Variants in SETD2 observed in about 807,000 individuals in gnomAD.
SETD2 encodes histone-lysine N-methyltransferase SETD2.
Under a neutral mutation model 242.1 loss-of-function variants are expected in SETD2, and 31 were observed. The observed-to-expected ratio is 0.13, with a 90% CI of 0.10 to 0.17. The LOEUF is 0.17. Among genes scored for constraint, SETD2 ranks in the 10% least tolerant of loss-of-function variants. The pLI, the probability that SETD2 is intolerant of heterozygous loss-of-function variation, is 1.00. For missense variants in SETD2, 2,481 were observed against 3,046.3 expected, an observed-to-expected ratio of 0.81 and a Z score of 4.37; for synonymous variants, 1,006 against 1,066.5, an observed-to-expected ratio of 0.94 and a Z score of 1.11.
chr3:47,084,142 T>C lies in SETD2; in HGVS notation c.5638A>G (p.Arg1880Gly). Reference sequence around the variant, plus strand: ...CTATTTTCACTTATAATTTTCAGTCTGCGAAACATTAGTTTCTTGGGAGTG... The same window carrying C: ...CTATTTTCACTTATAATTTTCAGTCCGCGAAACATTAGTTTCTTGGGAGTG... ...TDTPKKLMFR[R>G]LKIISENSMD... Residue 1880 changes from arginine to glycine, a missense_variant, in exon 12 of 21, where the codon AGA (arginine) becomes GGA (glycine). By Grantham distance (125) the Arg-to-Gly change is moderately radical. Transcript: ENST00000409792. 1 of 1,614,168 alleles carries C rather than the reference T, an allele frequency of 6.2e-7. No homozygotes were observed. Among genetic ancestry groups the C allele is most frequent in the South Asian group, 1.1e-5 (1 of 91,084 alleles).
chr3:47,099,950 C>CT (rs796284454), intron 8 of SETD2, among the ~76,000 whole-genome samples: 1,868 of 140,678 alleles, frequency 0.013, 41 homozygotes, highest in African/African-American at 0.041. Context: ...ACTAATATAC[C>CT]TTTTTTTTTT....
At chr3:47,118,864 A>C (rs978718645) in intron 3 of SETD2, among the ~76,000 whole-genome samples, 26 of 152,182 alleles carry the variant, frequency 1.7e-4, no homozygotes, top group African/African-American at 5.3e-4. Flanking sequence ...AAGTTCCATT[A>C]GTCTACTCAC....
rs2038050353 is a variant in SETD2 at position 47,017,848 on chromosome 3, C to T, written c.7432-109G>A. The T allele has an allele frequency of 1.3e-6, 1 of 764,852 alleles. No homozygotes were observed. The highest frequency in any genetic ancestry group is 2.3e-6 in the Non-Finnish European group (1 of 430,006). 47.4% of individuals were successfully genotyped at this position (764,852 alleles called of 1,614,324 possible). On this transcript the variant is annotated intron_variant, in intron 19 of 20. Transcript: ENST00000409792. The surrounding 1 kb of genome is among the most constrained non-coding windows in gnomAD (Gnocchi z 4.8). Reference sequence around the variant, plus strand: ...GTGAGTAAAGCCAGCCAATCCTTCTCCTTTTCCTCCCTCAGGTTAACTGGT... The same window carrying T: ...GTGAGTAAAGCCAGCCAATCCTTCTTCTTTTCCTCCCTCAGGTTAACTGGT...
At chr3:47,157,891 GAAA>G (rs1321954274) in intron 1 of SETD2, among the ~76,000 whole-genome samples, 3 of 144,386 alleles carry the variant, frequency 2.1e-5, no homozygotes, top group African/African-American at 7.6e-5. Context: ...AAAAAGAAAA[GAAA>G]AAAAAAAGAA....
At position 47,122,949 on chromosome 3, in the gene SETD2, T is replaced by C. The variant is rs587778668; in HGVS notation, c.1687A>G (p.Ile563Val). The stretch of plus-strand genomic sequence containing the variant: ...TTTTTAAATTTATCAGACTTGGGTA[T>C]AGGTTTTGAAAGGGTAGATTTATAA... ...SRYKSTLSKP[I>V]PKSDKFKNSF... is the part of the protein sequence containing the mutation. The change falls in exon 3 of 21, where the codon ATA (isoleucine) becomes GTA (valine). Residue 563 changes from isoleucine to valine, a missense_variant. This residue lies in a region of SETD2 where 1,300 missense variants were observed against 1,259.2 expected (regional missense o/e 1.03). Coordinates refer to ENST00000409792, the MANE Select transcript of SETD2 (RefSeq NM_014159.7). The C allele has an allele frequency of 5.0e-6, 8 of 1,613,326 alleles. No individual in the cohort carries two copies. The Admixed American group carries it at 8.4e-5, about 17-fold the overall frequency.
At chr3:47,116,259 T>C (rs1007969941) in intron 4 of SETD2, among the ~76,000 whole-genome samples, 1 of 152,196 alleles carries the variant, frequency 6.6e-6, no homozygotes, top group African/African-American at 2.4e-5. Flanking sequence ...ATTCACTTTA[T>C]GCATTTCTGA....
At chr3:47,039,832 G>A (rs1392221083) in intron 17 of SETD2, among the ~76,000 whole-genome samples, 3 of 144,810 alleles carry the variant, frequency 2.1e-5, no homozygotes, top group African/African-American at 5.1e-5. Context: ...GCAGTGAGCC[G>A]AGATCACGCC....
chr3:47,033,646 G>A lies in SETD2; in HGVS notation c.7350+4020C>T, dbSNP rs1012175711. Among the ~76,000 whole-genome samples the A allele has an allele frequency of 2.2e-5, 3 of 135,726 alleles. No homozygotes were observed. In the Admixed American group the frequency reaches 2.4e-4, roughly 11 times the overall value. 89.0% of individuals were successfully genotyped at this position (135,726 alleles called of 152,430 possible). Reference sequence around the variant, plus strand: ...TAACTAAAGTTATAAGCCCTGTCATGGTTTGATTTTTTTTTTTTTTTTTTT... The same window carrying A: ...TAACTAAAGTTATAAGCCCTGTCATAGTTTGATTTTTTTTTTTTTTTTTTT... On this transcript the variant is annotated intron_variant, in intron 18 of 20. Transcript: ENST00000409792.
chr3:47,043,779 G>C (rs2039391083), intron 16 of SETD2, among the ~76,000 whole-genome samples: 1 of 152,028 alleles, frequency 6.6e-6, no homozygotes, highest in Admixed American at 6.6e-5. Flanking sequence ...CCCAGCTTAA[G>C]TTTCAATTCC....
intron 19 of SETD2, among the ~76,000 whole-genome samples, chr3:47,019,436 A>G (rs2038121790): frequency 6.6e-6 from 1 of 152,178 alleles, no homozygotes; most frequent in African/African-American, 2.4e-5. Context: ...CATAACAACT[A>G]AGTCAAATCA....
intron 19 of SETD2, 122 bp downstream of exon 19, chr3:47,019,638 G>A: frequency 1.2e-6 from 1 of 810,580 alleles, no homozygotes; most frequent in South Asian, 1.5e-5. Context: ...ATACACACAA[G>A]GAACACCTTG....
At chr3:47,129,021 A>G (rs1207157276) in intron 1 of SETD2, among the ~76,000 whole-genome samples, 1 of 152,198 alleles carries the variant, frequency 6.6e-6, no homozygotes, top group Admixed American at 6.5e-5. Flanking sequence ...TATTTTGGAC[A>G]GGCAGATGAA....
intron 3 of SETD2, among the ~76,000 whole-genome samples, chr3:47,117,215 T>C (rs2042888888): frequency 7.1e-6 from 1 of 140,470 alleles, no homozygotes; most frequent in Admixed American, 7.4e-5. Flanking sequence ...ATAAAACATC[T>C]AATTATTAGT....
rs1374293713 is a variant in SETD2 at position 47,120,306 on chromosome 3, G to A, written c.4330C>T (p.Leu1444=). Residue 1444 remains leucine (L), a synonymous_variant, in exon 3 of 21, where the codon CTG becomes TTG. Coordinates refer to ENST00000409792, the MANE Select transcript of SETD2 (RefSeq NM_014159.7). ...GETSVPPGSA[L]VGPSCVMDDF... is the part of the protein sequence containing the mutation. ...TCCATGACACAGGAGGGCCCAACCA[G>A]TGCTGAACCTGGGGGCACTGATGTC... 6.2e-7 allele frequency: 1 copy of A among 1,614,000 alleles called. No individual in the cohort carries two copies. Among genetic ancestry groups the A allele is most frequent in the Admixed American group, 1.7e-5 (1 of 59,974 alleles).
At chr3:47,094,789 G>A (rs1420300486) in intron 9 of SETD2, among the ~76,000 whole-genome samples, 5 of 152,132 alleles carry the variant, frequency 3.3e-5, no homozygotes, top group East Asian at 1.9e-4. Context: ...TCATTGTTCC[G>A]GAATAACTTC....
chr3:47,126,712 T>C (rs74486290), intron 1 of SETD2, 49 bp from the exon 2 acceptor site: 1 of 1,078,842 alleles, frequency 9.3e-7, no homozygotes, highest in Non-Finnish European at 1.4e-6. Context: ...AAAGAAATCA[T>C]AAATACTTAA....
rs1452527873 is a variant in SETD2, at chr3:47,123,327, T to C, written c.1309A>G (p.Ser437Gly). 3 of 1,551,556 alleles carry C rather than the reference T, an allele frequency of 1.9e-6. No individual in the cohort carries two copies. The highest frequency in any genetic ancestry group is 2.6e-6 in the Non-Finnish European group (3 of 1,147,002). ...YYDSDRRYHRSSPYRERTRYS... is the reference protein window; with the variant it reads ...YYDSDRRYHRGSPYRERTRYS... The stretch of plus-strand genomic sequence containing the variant: ...CGCGTCCTCTCTCGATAAGGGGAGC[T>C]CCTATGGTAGCGACGATCAGAGTCA... Residue 437 changes from serine (S) to glycine (G), a missense_variant, in exon 3 of 21, where the codon AGC (serine) becomes GGC (glycine). Ser to Gly is a moderately conservative substitution (Grantham distance 56, BLOSUM62 0). Coordinates refer to ENST00000409792, the MANE Select transcript of SETD2 (RefSeq NM_014159.7).
At chr3:47,052,332 C>A (rs1056372171) in intron 15 of SETD2, among the ~76,000 whole-genome samples, 1 of 152,110 alleles carries the variant, frequency 6.6e-6, no homozygotes, top group Admixed American at 6.6e-5. Context: ...CCACCACACT[C>A]GGCTAATTTT....
chr3:47,139,601 C>G lies in SETD2; in HGVS notation c.72-12938G>C, dbSNP rs147250884. On this transcript the variant is annotated intron_variant, in intron 1 of 20. Transcript: ENST00000409792. ...GTACTAGTTTTTAGCTTCCTCACTT[C>G]AAGCAATTCTTAAAGGAAAAGAGGG... 1.2e-4 allele frequency among the ~76,000 whole-genome samples: 18 copies of G among 152,214 alleles called. 1 individual carries two copies. Among genetic ancestry groups the G allele is most frequent in the African/African-American group, 3.9e-4 (16 of 41,544 alleles).
Sources: allele counts gnomAD v4.1 joint callset (sites outside exome capture counted in the v4.1 genomes callset), GRCh38; gene constraint gnomAD v4.1.1; regional missense constraint gnomAD v4.1.1; non-coding constraint Gnocchi (gnomAD v3.1); transcripts MANE v1.5; gene names NCBI Gene and HGNC (gene_info 2026-07-23, HGNC 2026-07-21).